PAIP2B: variants seen among roughly 807,000 people sequenced by gnomAD.
PAIP2B encodes poly(A) binding protein interacting protein 2B, also known as polyadenylate-binding protein-interacting protein 2B.
PAIP2B carries 13 observed loss-of-function variants against 17.0 expected under a neutral mutation model. The observed-to-expected ratio is 0.76, with a 90% CI of 0.50 to 1.22. The LOEUF is 1.22. Ranked by LOEUF, PAIP2B falls within the 50% of genes most tolerant of loss-of-function variation. PAIP2B has a pLI of 0.00. For missense variants in PAIP2B, 117 were observed against 144.5 expected, an observed-to-expected ratio of 0.81 and a Z score of 0.98; for synonymous variants, 43 against 48.7, an observed-to-expected ratio of 0.88 and a Z score of 0.48.
In PAIP2B at chr2:71,182,926, A is replaced by G. The variant is rs1236476970; in HGVS notation, c.*5553T>C. The G allele has an allele frequency of 7.0e-6, 1 of 143,780 alleles. No individual in the cohort carries two copies. Among genetic ancestry groups the G allele is most frequent in the Non-Finnish European group, 1.5e-5 (1 of 66,284 alleles). 8.9% of individuals were successfully genotyped at this position (143,780 alleles called of 1,614,324 possible). A position where few individuals can be genotyped will look rare whatever the true frequency, so the allele number is the denominator to read the frequency against. On this transcript the variant is annotated 3_prime_UTR_variant, in exon 4 of 4. Transcript: ENST00000244221. ...AATGATTAGGGGAAAAAAAGCAAAA[A>G]CAGCTTTATAAACACTTGTGAAACA...
At chr2:71,222,705 G>A (rs1359971975) in intron 1 of PAIP2B, among the ~76,000 whole-genome samples, 1 of 152,152 alleles carries the variant, frequency 6.6e-6, no homozygotes, top group African/African-American at 2.4e-5. Flanking sequence ...ACCACTTTTG[G>A]AATTAGGAAA....
rs1026659656 is a variant in PAIP2B at position 71,183,616 on chromosome 2, C to T, written c.*4863G>A. 4 of 151,310 alleles carry T rather than the reference C, an allele frequency of 2.6e-5. No individual in the cohort carries two copies. The highest frequency in any genetic ancestry group is 1.9e-4 in the East Asian group (1 of 5,140). 9.4% of individuals were successfully genotyped at this position (151,310 alleles called of 1,614,324 possible). ...ACTCAGCAATAAAAGGAACAAACTA[C>T]CAAGACGTTATCTGTCATGGACAAA... is the stretch of plus-strand genomic sequence containing the variant. On this transcript the variant is annotated 3_prime_UTR_variant, in exon 4 of 4. Coordinates refer to ENST00000244221, the MANE Select transcript of PAIP2B (RefSeq NM_020459.1).
rs1286515694 is a variant in PAIP2B, at chr2:71,187,202, C to T, written c.*1277G>A. 6.6e-6 allele frequency: 1 copy of T among 152,192 alleles called. No homozygotes were observed. The highest frequency in any genetic ancestry group is 2.4e-5 in the African/African-American group (1 of 41,434). The allele number at this position is 152,192 out of a possible 1,614,324, so 9.4% of individuals were successfully genotyped here. ...GTAGCTCCTGGCACCCAGTTTAGTT[C>T]CTTAGGGGTAGCAACAAAAGACCCC... On this transcript the variant is annotated 3_prime_UTR_variant, in exon 4 of 4. Coordinates refer to ENST00000244221, the MANE Select transcript of PAIP2B (RefSeq NM_020459.1).
intron 1 of PAIP2B, among the ~76,000 whole-genome samples, chr2:71,221,914 G>A (rs1288684827): frequency 2.6e-5 from 4 of 152,148 alleles, no homozygotes; most frequent in Admixed American, 2.6e-4. Context: ...GTAGCCAATC[G>A]CAGGGAGGAT....
intron 1 of PAIP2B, among the ~76,000 whole-genome samples, chr2:71,219,530 G>A (rs534672405): frequency 6.6e-6 from 1 of 152,096 alleles, no homozygotes; most frequent in South Asian, 2.1e-4. Flanking sequence ...TGAAATTGAG[G>A]AAAAGACAAA....
At chr2:71,201,221 A>T (rs1325102931) in intron 2 of PAIP2B, among the ~76,000 whole-genome samples, 1 of 152,148 alleles carries the variant, frequency 6.6e-6, no homozygotes, top group African/African-American at 2.4e-5. Flanking sequence ...CATGTCAGTG[A>T]GTGTTAACAA....
chr2:71,218,940 G>A (rs1675504315), intron 1 of PAIP2B, among the ~76,000 whole-genome samples: 3 of 148,632 alleles, frequency 2.0e-5, no homozygotes. Flanking sequence ...TTTTGAGATG[G>A]AGTCTCACTC....
rs568552077 is a variant in PAIP2B at position 71,219,082 on chromosome 2, ATTTTTT to A, written c.-12+7840_-12+7845del. Among the ~76,000 whole-genome samples, 69 of 113,962 alleles carry A rather than the reference ATTTTTT, an allele frequency of 6.1e-4. No individual in the cohort carries two copies. In the East Asian group the frequency reaches 0.012, roughly 21 times the overall value. 74.8% of individuals were successfully genotyped at this position (113,962 alleles called of 152,430 possible). ...AGGTGCCCGCCACCACGCCTAGCTA[ATTTTTT>A]TTTTTTTTTTTTTTTGTATTTTTAG... is the stretch of plus-strand genomic sequence containing the variant. On this transcript the variant is annotated intron_variant, in intron 1 of 3. Coordinates refer to ENST00000244221, the MANE Select transcript of PAIP2B (RefSeq NM_020459.1).
chr2:71,196,478 C>T (rs357769), intron 2 of PAIP2B, among the ~76,000 whole-genome samples: 114,731 of 152,066 alleles, frequency 0.75, 43,718 homozygotes, highest in East Asian at 1. Context: ...GATTAATGTA[C>T]ACTCTGTTGT....
At chr2:71,196,640 CTA>C (rs1674827390) in intron 2 of PAIP2B, among the ~76,000 whole-genome samples, 1 of 151,856 alleles carries the variant, frequency 6.6e-6, no homozygotes. Flanking sequence ...ATGTGGCTGT[CTA>C]TGTCTTTTTG....
rs1253469635 is a variant in PAIP2B at position 71,185,963 on chromosome 2, TC to T, written c.*2515del. ...ATTGGCAACTGTTAGAAATACATGT[TC>T]CATTTCTATACAAATTCTCAAACTT... On this transcript the variant is annotated 3_prime_UTR_variant, in exon 4 of 4. Transcript: ENST00000244221. The T allele has an allele frequency of 6.6e-6, 1 of 152,260 alleles. No homozygotes were observed. The highest frequency in any genetic ancestry group is 1.5e-5 in the Non-Finnish European group (1 of 68,048). 9.4% of individuals were successfully genotyped at this position (152,260 alleles called of 1,614,324 possible). A position where few individuals can be genotyped will look rare whatever the true frequency, so the allele number is the denominator to read the frequency against.
chr2:71,189,857 A>C lies in PAIP2B; in HGVS notation c.303T>G (p.Ser101=). The C allele has an allele frequency of 6.4e-7, 1 of 1,553,162 alleles. No homozygotes were observed. The highest frequency in any genetic ancestry group is 8.7e-7 in the Non-Finnish European group (1 of 1,147,870). The change falls in exon 3 of 4, where the codon TCT becomes TCG. Residue 101 remains serine (S), a synonymous_variant. Coordinates refer to ENST00000244221, the MANE Select transcript of PAIP2B (RefSeq NM_020459.1). The part of the protein sequence containing the change: ...NGLSVSEGHD[S]EDILSKSNLN... ...ATATGGCTCTTACCAAAATATCTTC[A>C]GAATCATGACCTTCACTGACTGACA...
At position 71,197,635 on chromosome 2, in the gene PAIP2B, C is replaced by T. The variant is rs1674854739; in HGVS notation, c.138+4817G>A. On this transcript the variant is annotated intron_variant, in intron 2 of 3. Coordinates refer to ENST00000244221, the MANE Select transcript of PAIP2B (RefSeq NM_020459.1). ...TTCACACTGCTGATAAAGACATATC[C>T]AAGACTGGGCAATTTAAAAAAGAAG... Among the ~76,000 whole-genome samples the T allele has an allele frequency of 2.0e-5, 3 of 152,084 alleles. No homozygotes were observed. The South Asian group carries it at 6.2e-4, about 32-fold the overall frequency.
At chr2:71,219,082 A>ATTTTTTTTTTTTTT (rs568552077) in intron 1 of PAIP2B, among the ~76,000 whole-genome samples, 10 of 113,996 alleles carry the variant, frequency 8.8e-5, no homozygotes, top group African/African-American at 1.8e-4. Flanking sequence ...CGCCTAGCTA[A>ATTTTTTTTTTTTTT]TTTTTTTTTT....
chr2:71,203,770 AAT>A (rs1675049831), intron 1 of PAIP2B, among the ~76,000 whole-genome samples: 1 of 151,710 alleles, frequency 6.6e-6, no homozygotes, highest in Non-Finnish European at 1.5e-5. Context: ...AACTAAAATA[AAT>A]ATGTTATTCA....
At chr2:71,207,052 C>T (rs1675150118) in intron 1 of PAIP2B, among the ~76,000 whole-genome samples, 1 of 152,194 alleles carries the variant, frequency 6.6e-6, no homozygotes, top group Non-Finnish European at 1.5e-5. Flanking sequence ...TGCTGAGGCA[C>T]TGGGCTTGAC....
intron 3 of PAIP2B, 73 bp from the exon 4 acceptor site, chr2:71,188,608 C>T: frequency 8.1e-7 from 1 of 1,241,682 alleles, no homozygotes; most frequent in East Asian, 2.5e-5. Flanking sequence ...CCATCATTAT[C>T]AGTACCTTCC....
intron 3 of PAIP2B, among the ~76,000 whole-genome samples, chr2:71,189,492 G>A (rs1674628063): frequency 6.6e-6 from 1 of 152,226 alleles, no homozygotes; most frequent in African/African-American, 2.4e-5. Context: ...GACAGTAAAA[G>A]AGAAGAATAG....
chr2:71,226,500 C>T (rs1675732187), intron 1 of PAIP2B, among the ~76,000 whole-genome samples: 1 of 152,178 alleles, frequency 6.6e-6, no homozygotes, highest in Non-Finnish European at 1.5e-5. Context: ...GACGCGCAAT[C>T]CCTCCCGCTC....
Sources: gnomAD v4.1 joint callset for allele counts (sites outside exome capture counted in the v4.1 genomes callset) on GRCh38, gnomAD v4.1.1 for gene constraint, MANE v1.5 for transcripts, NCBI Gene and HGNC (gene_info 2026-07-23, HGNC 2026-07-21) for gene names.